FOXP2: variants seen among roughly 807,000 people sequenced by gnomAD.
FOXP2 encodes forkhead box protein P2.
FOXP2 carries 12 observed loss-of-function variants against 115.8 expected under a neutral mutation model. The ratio of observed to expected loss-of-function variants is 0.10; its 90% CI spans 0.07 to 0.17. FOXP2 has a LOEUF of 0.17. Among genes scored for constraint, FOXP2 ranks in the 10% least tolerant of loss-of-function variants. The pLI is 1.00. For synonymous variants in FOXP2, 328 were observed against 297.7 expected (o/e 1.10, Z -1.05); for missense variants, 629 against 843.5 (o/e 0.75, Z 3.15).
intron 3 of FOXP2, among the ~76,000 whole-genome samples, chr7:114,551,326 C>G (rs1186740211): frequency 6.6e-6 from 1 of 152,160 alleles, no homozygotes; most frequent in South Asian, 2.1e-4. Context: ...AGTTGACAAT[C>G]TGGCTAGATA....
At chr7:114,389,118 C>T (rs1792525938) in intron 2 of FOXP2, among the ~76,000 whole-genome samples, 1 of 152,186 alleles carries the variant, frequency 6.6e-6, no homozygotes, top group South Asian at 2.1e-4. Context: ...AGACATATTC[C>T]TTCATATCAT....
In FOXP2 at chr7:114,270,418, G is replaced by A. The variant is rs1226465625; in HGVS notation, c.-101-17601G>A. Among the ~76,000 whole-genome samples the A allele has an allele frequency of 3.9e-5, 6 of 152,250 alleles. 1 individual carries two copies. The highest frequency in any genetic ancestry group is 3.3e-4 in the Admixed American group (5 of 15,282). The stretch of plus-strand genomic sequence containing the variant: ...TGCCACAGTCTTTCAAAGTGGCCAT[G>A]CAATTTTGCATTCCCACCAACAATG... On this transcript the variant is annotated intron_variant, in intron 1 of 17. Coordinates refer to the FOXP2 transcript ENST00000634411.
chr7:114,550,583 G>A (rs1220129029), intron 3 of FOXP2, among the ~76,000 whole-genome samples: 2 of 152,078 alleles, frequency 1.3e-5, no homozygotes, highest in Non-Finnish European at 2.9e-5. Context: ...TTAAATGCTA[G>A]AACATTGAAG....
chr7:114,252,920 G>T (rs867745101), intron 1 of FOXP2, among the ~76,000 whole-genome samples: 8 of 152,194 alleles, frequency 5.3e-5, no homozygotes, highest in Admixed American at 2.0e-4. Flanking sequence ...GCTTTCTCTT[G>T]TGGGCATTTA....
At chr7:114,295,105 G>T (rs973384554) in intron 2 of FOXP2, among the ~76,000 whole-genome samples, 2 of 152,062 alleles carry the variant, frequency 1.3e-5, no homozygotes, top group Non-Finnish European at 2.9e-5. Flanking sequence ...CTATCCGCTA[G>T]TAAAATTTTT....
chr7:114,584,194 A>G (rs1338432068), intron 3 of FOXP2, among the ~76,000 whole-genome samples: 1 of 152,162 alleles, frequency 6.6e-6, no homozygotes, highest in Admixed American at 6.6e-5. Context: ...ACATCACACC[A>G]TCTATGGCAT....
chr7:114,546,051 T>C (rs1271342718), intron 3 of FOXP2, among the ~76,000 whole-genome samples: 1 of 152,216 alleles, frequency 6.6e-6, no homozygotes, highest in Non-Finnish European at 1.5e-5. Context: ...TGGCCCATCA[T>C]AGGTTTTCCA....
intron 2 of FOXP2, among the ~76,000 whole-genome samples, chr7:114,458,471 T>G (rs78099703): frequency 0.053 from 7,988 of 151,918 alleles, 318 homozygotes; most frequent in Non-Finnish European, 0.075. Context: ...TAAGAGCCAA[T>G]TATTGTAGTA....
intron 3 of FOXP2, among the ~76,000 whole-genome samples, chr7:114,618,281 T>C (rs1033056806): frequency 6.6e-6 from 1 of 152,170 alleles, no homozygotes. Flanking sequence ...GGTTATAACA[T>C]AGAGCCAGTG....
At chr7:114,660,476 A>G (rs1221915260) in intron 13 of FOXP2, among the ~76,000 whole-genome samples, 1 of 152,184 alleles carries the variant, frequency 6.6e-6, no homozygotes, top group African/African-American at 2.4e-5. Context: ...CATACTGAGA[A>G]TTTTAGACTG....
chr7:114,229,442 G>GTA (rs773096919), intron 1 of FOXP2, among the ~76,000 whole-genome samples: 14 of 151,608 alleles, frequency 9.2e-5, no homozygotes, highest in Admixed American at 2.6e-4. Flanking sequence ...GAGCAGAATA[G>GTA]TATACATTCT....
In FOXP2 at chr7:114,339,768, A is replaced by G. The variant is rs149826937; in HGVS notation, c.-11+51659A>G. On this transcript the variant is annotated intron_variant, in intron 2 of 17. Coordinates refer to the FOXP2 transcript ENST00000634411. ...CAAATCCCTGTGTTAAAAGCATCCA[A>G]TTTCCCCTTTTTTTGGAATCTGTTG... 6.4e-3 allele frequency among the ~76,000 whole-genome samples: 972 copies of G among 151,266 alleles called. 8 individuals are homozygous for G. The highest frequency in any genetic ancestry group is 0.023 in the African/African-American group (939 of 41,466).
chr7:114,338,117 T>G lies in FOXP2; in HGVS notation c.-11+50008T>G, dbSNP rs571408708. Among the ~76,000 whole-genome samples the G allele has an allele frequency of 3.6e-4, 55 of 151,262 alleles. No individual in the cohort carries two copies. The South Asian group carries it at 0.011, about 31-fold the overall frequency. ...GTGCCAATTTTAAAAGGTAGATCAC[T>G]TAAAATATAGTTTTATTATATTTTC... On this transcript the variant is annotated intron_variant, in intron 2 of 17. Coordinates refer to the FOXP2 transcript ENST00000634411.
chr7:114,576,785 C>T (rs1040747296), intron 3 of FOXP2, among the ~76,000 whole-genome samples: 10 of 151,864 alleles, frequency 6.6e-5, no homozygotes, highest in African/African-American at 1.9e-4. Context: ...ATAGTTTTTG[C>T]GTATTTCTAA....
chr7:114,491,725 G>A (rs554575102), intron 2 of FOXP2, among the ~76,000 whole-genome samples: 18 of 152,162 alleles, frequency 1.2e-4, no homozygotes, highest in East Asian at 5.8e-4. Flanking sequence ...ATTGATTTGC[G>A]TATGTTGAAC....
chr7:114,140,885 A>C (rs4730625), intron 1 of FOXP2, among the ~76,000 whole-genome samples: 6 of 152,184 alleles, frequency 3.9e-5, no homozygotes, highest in Non-Finnish European at 8.8e-5. Context: ...TCTGTGATAC[A>C]CAAGGATGTT....
intron 2 of FOXP2, among the ~76,000 whole-genome samples, chr7:114,449,032 C>A (rs971994392): frequency 2.0e-5 from 3 of 151,954 alleles, no homozygotes. Context: ...AACTTTGATG[C>A]CCCAGTTTCC....
chr7:114,099,489 A>G (rs889323901), intron 1 of FOXP2, among the ~76,000 whole-genome samples: 2 of 152,174 alleles, frequency 1.3e-5, no homozygotes, highest in African/African-American at 4.8e-5. Context: ...TAAAGATAGA[A>G]CTATCATATG....
intron 1 of FOXP2, among the ~76,000 whole-genome samples, chr7:114,260,176 C>G (rs539344982): frequency 1.6e-4 from 24 of 151,240 alleles, no homozygotes; most frequent in African/African-American, 5.4e-4. Context: ...CAGATGTGAG[C>G]CACTGCGCCC....
Sources: gnomAD v4.1 joint callset for allele counts (sites outside exome capture counted in the v4.1 genomes callset) on GRCh38, gnomAD v4.1.1 for gene constraint, MANE v1.5 for transcripts, NCBI Gene and HGNC (gene_info 2026-07-23, HGNC 2026-07-21) for gene names.